The following MCTP1 variants were observed in gnomAD, a reference collection of about 807,000 sequenced individuals.
MCTP1 encodes the protein multiple C2 and transmembrane domain containing 1.
A neutral mutation model predicts 120.6 loss-of-function variants in MCTP1; 69 were observed. The observed-to-expected ratio is 0.57, with a 90% CI of 0.47 to 0.70. MCTP1 has a LOEUF of 0.70. Ranked by LOEUF, MCTP1 falls within the 30% of genes least tolerant of loss-of-function variation. The probability of loss-of-function intolerance (pLI) is 0.00; values close to 1 mark genes in which losing one functional copy is unlikely to be tolerated. For synonymous variants in MCTP1, 529 were observed against 493.1 expected (o/e 1.07, Z -0.96); for missense variants, 1,203 against 1,248.8 (o/e 0.96, Z 0.55).
intron 17 of MCTP1, among the ~76,000 whole-genome samples, chr5:94,803,923 A>G (rs1781724443): frequency 6.6e-6 from 1 of 152,186 alleles, no homozygotes; most frequent in Non-Finnish European, 1.5e-5. Context: ...AGGATAGAGT[A>G]GCAAATATGA....
intron 20 of MCTP1, among the ~76,000 whole-genome samples, chr5:94,711,727 CAAA>C (rs11380194): frequency 7.6e-6 from 1 of 131,926 alleles, no homozygotes; most frequent in Admixed American, 7.5e-5. Context: ...GTAGAAGTTA[CAAA>C]AAAAAAAAGT....
At position 94,865,364 on chromosome 5, in the gene MCTP1, G is replaced by A. The variant is rs532219955; in HGVS notation, c.2436+2969C>T. 2.4e-4 allele frequency among the ~76,000 whole-genome samples: 36 copies of A among 151,924 alleles called. 1 individual carries two copies. In the South Asian group the frequency reaches 7.3e-3, roughly 31 times the overall value. ...AAAAGTTAAAATAGAATAGAAAAAA[G>A]GCACTTAAACATTATAAAGTTTACT... On this transcript the variant is annotated intron_variant, in intron 17 of 22. Transcript: ENST00000515393.
intron 18 of MCTP1, 109 bp from the exon 19 acceptor site, chr5:94,779,272 C>T (rs897212686): frequency 4.4e-5 from 38 of 866,538 alleles, no homozygotes; most frequent in Middle Eastern, 2.2e-4. Context: ...GAAACAGGCA[C>T]ACTGAGAAGG....
Position 94,870,447 on chromosome 5 carries a change from GT to G in MCTP1, c.2285del (p.Tyr762SerfsTer14). 1 of 1,612,026 alleles carries G rather than the reference GT, an allele frequency of 6.2e-7. No homozygotes were observed. The highest frequency in any genetic ancestry group is 2.2e-5 in the East Asian group (1 of 44,786). On this transcript the variant is annotated frameshift_variant, in exon 16 of 23. Coordinates refer to ENST00000515393, the MANE Select transcript of MCTP1 (RefSeq NM_024717.7). LOFTEE classifies it high-confidence loss of function. ...TAGAGAGTCTGTTTTCCTCTTCAAT[GT>G]ACTTCTGTTCTTTGGGTATTAATGT... Reference protein sequence around the residue: ...LRTLIPKEQKYIEEENRLSKQ... With the variant: ...LRTLIPKEQKXIEEENRLSKQ...
At chr5:95,156,971 T>A (rs1745196780) in intron 1 of MCTP1, among the ~76,000 whole-genome samples, 1 of 152,148 alleles carries the variant, frequency 6.6e-6, no homozygotes. Context: ...AGAGTCAAGC[T>A]TGCTAAGAAA....
At chr5:95,124,941 C>G (rs924018077) in intron 1 of MCTP1, among the ~76,000 whole-genome samples, 1 of 152,228 alleles carries the variant, frequency 6.6e-6, no homozygotes, top group African/African-American at 2.4e-5. Context: ...AAAGATACCA[C>G]TTCACCTAGA....
chr5:94,729,299 G>C (rs1762686485), intron 19 of MCTP1, among the ~76,000 whole-genome samples: 1 of 152,196 alleles, frequency 6.6e-6, no homozygotes, highest in Admixed American at 6.5e-5. Flanking sequence ...AAGCCCAGAT[G>C]ATGGTCACAT....
chr5:95,057,068 G>C (rs777070106), intron 1 of MCTP1, among the ~76,000 whole-genome samples: 15 of 152,068 alleles, frequency 9.9e-5, no homozygotes, highest in Non-Finnish European at 1.9e-4. Context: ...CACAGCCATA[G>C]AGTCTTTAAT....
chr5:95,016,106 T>G (rs1479725866), intron 2 of MCTP1, among the ~76,000 whole-genome samples: 1 of 152,184 alleles, frequency 6.6e-6, no homozygotes, highest in Non-Finnish European at 1.5e-5. Flanking sequence ...AGACAGTTAT[T>G]TTGAAAACGT....
At chr5:95,036,108 C>A (rs531182892) in intron 1 of MCTP1, among the ~76,000 whole-genome samples, 1 of 152,246 alleles carries the variant, frequency 6.6e-6, no homozygotes, top group South Asian at 2.1e-4. Context: ...AAGTGCATAG[C>A]TACCAGTGAG....
intron 1 of MCTP1, among the ~76,000 whole-genome samples, chr5:95,092,112 C>T (rs1347187855): frequency 6.6e-6 from 1 of 152,070 alleles, no homozygotes; most frequent in East Asian, 1.9e-4. Flanking sequence ...TAGAAATACA[C>T]CTAATGAATT....
intron 17 of MCTP1, among the ~76,000 whole-genome samples, chr5:94,842,164 G>C (rs954770359): frequency 6.6e-6 from 1 of 152,102 alleles, no homozygotes; most frequent in Non-Finnish European, 1.5e-5. Flanking sequence ...GACTTGAGAA[G>C]GTTTTTGTGT....
intron 17 of MCTP1, among the ~76,000 whole-genome samples, chr5:94,843,337 G>GT (rs1791562797): frequency 6.6e-6 from 1 of 152,106 alleles, no homozygotes; most frequent in African/African-American, 2.4e-5. Context: ...ACATAGAGTG[G>GT]TTTTTTGAGG....
intron 18 of MCTP1, among the ~76,000 whole-genome samples, chr5:94,782,119 C>T (rs1056352328): frequency 1.3e-5 from 2 of 152,056 alleles, no homozygotes; most frequent in Admixed American, 6.6e-5. Flanking sequence ...GTTGAGGATC[C>T]AATGAGATAA....
At chr5:95,161,250 A>G (rs1367922967) in intron 1 of MCTP1, among the ~76,000 whole-genome samples, 1 of 152,174 alleles carries the variant, frequency 6.6e-6, no homozygotes, top group East Asian at 1.9e-4. Context: ...ATAATAGGAT[A>G]GTATTCGGCC....
At chr5:94,913,375 T>C (rs549944505) in intron 8 of MCTP1, among the ~76,000 whole-genome samples, 18 of 152,266 alleles carry the variant, frequency 1.2e-4, no homozygotes, top group African/African-American at 3.4e-4. Context: ...CTATTTATGG[T>C]GTTTGAAGAT....
intron 17 of MCTP1, among the ~76,000 whole-genome samples, chr5:94,852,402 T>C (rs906185370): frequency 6.6e-6 from 1 of 151,918 alleles, no homozygotes; most frequent in African/African-American, 2.4e-5. Flanking sequence ...TAAATTCATG[T>C]GTAGCCCTTA....
At chr5:94,711,292 C>T (rs979045101) in intron 20 of MCTP1, among the ~76,000 whole-genome samples, 1 of 152,122 alleles carries the variant, frequency 6.6e-6, no homozygotes, top group African/African-American at 2.4e-5. Flanking sequence ...GAGGGGAATG[C>T]CCCTGGACCC....
chr5:94,773,006 T>A (rs1402113567), intron 19 of MCTP1, among the ~76,000 whole-genome samples: 1 of 152,206 alleles, frequency 6.6e-6, no homozygotes, highest in Non-Finnish European at 1.5e-5. Flanking sequence ...AGTTGTAATG[T>A]TGCTATGATT....
Sources: gnomAD v4.1 joint callset for allele counts (sites outside exome capture counted in the v4.1 genomes callset) on GRCh38, gnomAD v4.1.1 for gene constraint, MANE v1.5 for transcripts, NCBI Gene and HGNC (gene_info 2026-07-23, HGNC 2026-07-21) for gene names.